The following CCM2 variants were observed in gnomAD, a reference collection of about 807,000 sequenced individuals.
CCM2 encodes the protein cerebral cavernous malformations 2 protein.
A neutral mutation model predicts 44.9 loss-of-function variants in CCM2; 25 were observed. That is an observed-to-expected ratio of 0.56 (90% confidence interval 0.41 to 0.78). The LOEUF is 0.78. Among genes scored for constraint, CCM2 ranks in the 30% least tolerant of loss-of-function variants. The pLI, the probability that CCM2 is intolerant of heterozygous loss-of-function variation, is 0.00. For synonymous variants in CCM2, 219 were observed against 241.1 expected, an observed-to-expected ratio of 0.91 and a Z score of 0.85; for missense variants, 481 against 580.6, an observed-to-expected ratio of 0.83 and a Z score of 1.76.
chr7:45,032,482 G>A (rs542806764), intron 1 of CCM2, among the ~76,000 whole-genome samples: 4 of 152,292 alleles, frequency 2.6e-5, no homozygotes, highest in African/African-American at 9.6e-5. Flanking sequence ...TTAAGAACAG[G>A]GTGGCTGAGC....
intron 1 of CCM2, chr7:45,029,413 A>G (rs1796854370): frequency 6.6e-6 from 1 of 152,194 alleles, no homozygotes; most frequent in Non-Finnish European, 1.5e-5. Flanking sequence ...GCTCAGTGTG[A>G]CTAAGTGTTC....
chr7:45,073,304 G>A (rs1301258885), intron 7 of CCM2, 156 bp from the exon 8 acceptor site: 3 of 658,816 alleles, frequency 4.6e-6, no homozygotes, highest in Non-Finnish European at 5.5e-6. Flanking sequence ...CACCCTGCAT[G>A]CCCAGTCAGC....
At chr7:45,009,812 C>A (rs1457785572) in intron 1 of CCM2, among the ~76,000 whole-genome samples, 2 of 152,098 alleles carry the variant, frequency 1.3e-5, no homozygotes, top group South Asian at 2.1e-4. Flanking sequence ...GACATTGTTT[C>A]ACTTTGATCT....
intron 1 of CCM2, among the ~76,000 whole-genome samples, chr7:45,020,911 A>G (rs1796456306): frequency 6.6e-6 from 1 of 152,200 alleles, no homozygotes; most frequent in South Asian, 2.1e-4. Context: ...GTTAGCAGTA[A>G]TAATACAGTC....
At chr7:45,027,191 C>A in intron 1 of CCM2, 1 of 243,020 alleles carries the variant, frequency 4.1e-6, no homozygotes. Flanking sequence ...CTGTAAAGAT[C>A]TTGCTGCCTT....
At chr7:45,047,315 A>G (rs1279064557) in intron 2 of CCM2, among the ~76,000 whole-genome samples, 1 of 152,366 alleles carries the variant, frequency 6.6e-6, no homozygotes, top group African/African-American at 2.4e-5. Context: ...AAACAACTCC[A>G]TGTCCTTTGG....
chr7:45,062,505 A>G (rs1236372947), intron 2 of CCM2, among the ~76,000 whole-genome samples: 2 of 152,230 alleles, frequency 1.3e-5, no homozygotes, highest in African/African-American at 4.8e-5. Flanking sequence ...TTGTGCTGCT[A>G]TAACAGATAC....
rs371286885 is a variant in CCM2 at position 45,040,031 on chromosome 7, G to A, written c.204+1605G>A. The stretch of plus-strand genomic sequence containing the variant: ...GAAAGAGTGAGACTGTATGTCAAAA[G>A]AAAACAAAACAAAACAACTATGTTA... On this transcript the variant is annotated intron_variant, in intron 2 of 9. Transcript: ENST00000258781. 2.0e-5 allele frequency among the ~76,000 whole-genome samples: 3 copies of A among 151,270 alleles called. No individual in the cohort carries two copies. In the South Asian group the frequency reaches 6.3e-4, roughly 32 times the overall value.
chr7:45,010,635 T>A (rs933171890), intron 1 of CCM2, among the ~76,000 whole-genome samples: 1 of 152,162 alleles, frequency 6.6e-6, no homozygotes, highest in Non-Finnish European at 1.5e-5. Context: ...TTTGCTCTTG[T>A]CGCACAGACT....
At chr7:45,072,513 C>T in intron 6 of CCM2, 2 of 643,068 alleles carry the variant, frequency 3.1e-6, no homozygotes, top group Non-Finnish European at 5.7e-6. Flanking sequence ...TTGCCAGGAT[C>T]CCCAGGAGGG....
At chr7:45,053,220 T>A (rs1798093191) in intron 2 of CCM2, among the ~76,000 whole-genome samples, 1 of 152,190 alleles carries the variant, frequency 6.6e-6, no homozygotes, top group Admixed American at 6.5e-5. Flanking sequence ...TTTACCCAGG[T>A]GAATGAAGTC....
At chr7:45,041,503 C>T (rs1350723526) in intron 2 of CCM2, among the ~76,000 whole-genome samples, 6 of 152,066 alleles carry the variant, frequency 3.9e-5, no homozygotes, top group African/African-American at 7.2e-5. Flanking sequence ...GACTATGAGC[C>T]GAAGAAACTG....
intron 4 of CCM2, among the ~76,000 whole-genome samples, chr7:45,066,407 A>G (rs1278071815): frequency 6.6e-6 from 1 of 152,178 alleles, no homozygotes; most frequent in Non-Finnish European, 1.5e-5. Flanking sequence ...TTAGCCTCCC[A>G]AAGTGTTGGG....
intron 2 of CCM2, among the ~76,000 whole-genome samples, chr7:45,052,568 A>C (rs560940294): frequency 6.6e-6 from 1 of 152,336 alleles, no homozygotes; most frequent in African/African-American, 2.4e-5. Context: ...ACTGTTGTCC[A>C]TCCCACATGA....
intron 2 of CCM2, among the ~76,000 whole-genome samples, chr7:45,046,849 A>G (rs1432628163): frequency 6.6e-6 from 1 of 152,224 alleles, no homozygotes; most frequent in Admixed American, 6.5e-5. Flanking sequence ...TGGTATCTAC[A>G]GTATATAAAG....
intron 1 of CCM2, among the ~76,000 whole-genome samples, chr7:45,002,583 C>T (rs1028651696): frequency 2.6e-5 from 4 of 151,496 alleles, no homozygotes; most frequent in African/African-American, 4.9e-5. Flanking sequence ...TTTACCTCGG[C>T]CCATTTTCCT....
At chr7:45,006,851 T>G (rs1405290401) in intron 1 of CCM2, among the ~76,000 whole-genome samples, 2 of 152,198 alleles carry the variant, frequency 1.3e-5, no homozygotes, top group African/African-American at 4.8e-5. Context: ...TCTTGGACTT[T>G]CAGCATCTAG....
At chr7:45,045,336 G>A (rs1323653816) in intron 2 of CCM2, among the ~76,000 whole-genome samples, 1 of 151,988 alleles carries the variant, frequency 6.6e-6, no homozygotes, top group African/African-American at 2.4e-5. Context: ...TAGATGAATT[G>A]CTTAATAATA....
chr7:45,023,440 C>T (rs1583867173), intron 1 of CCM2, among the ~76,000 whole-genome samples: 1 of 152,160 alleles, frequency 6.6e-6, no homozygotes, highest in Admixed American at 6.5e-5. Context: ...ATCCCAGTTA[C>T]TTGGAAGCCT....
Sources: allele counts gnomAD v4.1 joint callset (sites outside exome capture counted in the v4.1 genomes callset), GRCh38; gene constraint gnomAD v4.1.1; transcripts MANE v1.5; gene names NCBI Gene and HGNC (gene_info 2026-07-23, HGNC 2026-07-21).